Variants in IGSF10 observed in about 807,000 individuals in gnomAD.
IGSF10 encodes calvaria mechanical force protein 608.
In IGSF10, 126 loss-of-function variants were observed where a neutral mutation model predicts 128.2. The observed-to-expected ratio is 0.98, with a 90% confidence interval of 0.85 to 1.14. The LOEUF (loss-of-function observed/expected upper bound fraction) is 1.14, where lower values mean the gene tolerates loss of function less well. Ranked by LOEUF, IGSF10 falls within the 50% of genes most tolerant of loss-of-function variation. The pLI is 0.00. For missense variants in IGSF10, 3,295 were observed against 3,149.8 expected (o/e 1.05, Z -1.10); for synonymous variants, 1,185 against 1,146.2 (o/e 1.03, Z -0.68).
At chr3:151,432,951 AAAAG>A, downstream of IGSF10, 3 of 628,834 alleles carry the variant, frequency 4.8e-6, no homozygotes, top group South Asian at 5.0e-5. Context: ...CAAAAAAAAA[AAAAG>A]GTGTTTAAAC....
the IGSF10 span, among the ~76,000 whole-genome samples, chr3:151,607,322 T>G: frequency 6.6e-6 from 1 of 152,154 alleles, no homozygotes; most frequent in Non-Finnish European, 1.5e-5. Flanking sequence ...AATTCCAAAT[T>G]TATTCTTTGC....
At chr3:151,520,068 T>C in the IGSF10 span, among the ~76,000 whole-genome samples, 1 of 151,732 alleles carries the variant, frequency 6.6e-6, no homozygotes, top group Admixed American at 6.6e-5. Flanking sequence ...TTTTCCTGTA[T>C]CCTCTCAGTG....
chr3:151,514,597 A>G, the IGSF10 span, among the ~76,000 whole-genome samples: 4 of 152,238 alleles, frequency 2.6e-5, no homozygotes, highest in African/African-American at 9.6e-5. Flanking sequence ...CAATGGCAAC[A>G]AAAGCCAAAA....
chr3:151,438,816 ATT>A (rs1720645612), intron 7 of IGSF10, among the ~76,000 whole-genome samples: 6 of 138,512 alleles, frequency 4.3e-5, no homozygotes, highest in Non-Finnish European at 3.0e-5. Context: ...ATATATATAC[ATT>A]TTGAGATATA....
chr3:151,479,211 G>A, the IGSF10 span, among the ~76,000 whole-genome samples: 5 of 152,016 alleles, frequency 3.3e-5, no homozygotes, highest in African/African-American at 1.2e-4. Context: ...CACAATACTA[G>A]ATGGAAAGTA....
chr3:151,588,742 C>T, the IGSF10 span, among the ~76,000 whole-genome samples: 5 of 152,172 alleles, frequency 3.3e-5, no homozygotes, highest in African/African-American at 1.2e-4. Flanking sequence ...ATGGGGCTTA[C>T]ATCCTAGTGA....
At chr3:151,594,890 G>T in the IGSF10 span, among the ~76,000 whole-genome samples, 1 of 151,360 alleles carries the variant, frequency 6.6e-6, no homozygotes, top group African/African-American at 2.4e-5. Context: ...ACCCCCAAAA[G>T]ATGTACAATT....
the IGSF10 span, among the ~76,000 whole-genome samples, chr3:151,542,076 GC>G: frequency 6.6e-6 from 1 of 152,002 alleles, no homozygotes; most frequent in Non-Finnish European, 1.5e-5. Flanking sequence ...TTATTCAGTG[GC>G]TTTTACAGCA....
chr3:151,526,045 T>C, the IGSF10 span, among the ~76,000 whole-genome samples: 1 of 152,206 alleles, frequency 6.6e-6, no homozygotes, highest in Non-Finnish European at 1.5e-5. Flanking sequence ...TTCTTGTTGC[T>C]CCAAGGCCCC....
chr3:151,541,468 A>G, the IGSF10 span, among the ~76,000 whole-genome samples: 1 of 152,308 alleles, frequency 6.6e-6, no homozygotes, highest in East Asian at 1.9e-4. Context: ...CAGTTTTCTT[A>G]TAGTCATATA....
At chr3:151,456,860 C>T (rs1721820415) in intron 4 of IGSF10, among the ~76,000 whole-genome samples, 166 bp downstream of exon 4, 1 of 152,146 alleles carries the variant, frequency 6.6e-6, no homozygotes, top group Admixed American at 6.5e-5. Flanking sequence ...CTAATTTATA[C>T]ACACAGTTCC....
At chr3:151,559,190 GC>G in the IGSF10 span, among the ~76,000 whole-genome samples, 1 of 152,072 alleles carries the variant, frequency 6.6e-6, no homozygotes, top group South Asian at 2.1e-4. Context: ...AAACAATGAA[GC>G]CTCTCAACAG....
intron 1 of IGSF10, among the ~76,000 whole-genome samples, chr3:151,460,551 T>C (rs149017723): frequency 6.6e-6 from 1 of 152,236 alleles, no homozygotes; most frequent in Middle Eastern, 3.2e-3. Context: ...TGGAGGTTTT[T>C]AAATTTCCTT....
the IGSF10 span, among the ~76,000 whole-genome samples, chr3:151,581,775 A>C: frequency 1.3e-5 from 2 of 152,220 alleles, no homozygotes; most frequent in South Asian, 2.1e-4. Context: ...CATTTGTAGA[A>C]TATAGCCATT....
At chr3:151,440,987 CAT>C (rs1560173094) in intron 7 of IGSF10, among the ~76,000 whole-genome samples, 1 of 152,212 alleles carries the variant, frequency 6.6e-6, no homozygotes, top group African/African-American at 2.4e-5. Flanking sequence ...TCCCAGCTAA[CAT>C]AAATAATTAA....
At position 151,436,930 on chromosome 3, in the gene IGSF10, G is replaced by T; in HGVS notation, c.7631C>A (p.Ala2544Glu). 6.2e-7 allele frequency: 1 copy of T among 1,614,154 alleles called. No homozygotes were observed. The highest frequency in any genetic ancestry group is 8.5e-7 in the Non-Finnish European group (1 of 1,179,996). ...PPRSIVTRTG[A>E]AFQLHCVALG... ...GGCCACACAGTGGAGCTGAAAGGCT[G>T]CCCCTGTCCTGGTGACAATACTCCT... The change falls in exon 8 of 8, where the codon GCA becomes GAA. Residue 2544 changes from alanine (A) to glutamate (E), a missense_variant. Ala to Glu is a moderately radical substitution (Grantham distance 107). Coordinates refer to ENST00000282466, the MANE Select transcript of IGSF10 (RefSeq NM_178822.5).
In IGSF10 at chr3:151,445,133, T is replaced by C; in HGVS notation, c.4848A>G (p.Thr1616=). The stretch of plus-strand genomic sequence containing the variant: ...GTTTCTTATCAAAGTCACTCTTCTT[T>C]GTGTTCTTCTGTCCATCCCAATCTG... ...LVSDWDGQKN[T]KKSDFDKKPV... The change falls in exon 6 of 8, where the codon ACA becomes ACG. Residue 1616 remains threonine (T), a synonymous_variant. Coordinates refer to ENST00000282466, the MANE Select transcript of IGSF10 (RefSeq NM_178822.5). 3 of 1,614,172 alleles carry C rather than the reference T, an allele frequency of 1.9e-6. No homozygotes were observed. The highest frequency in any genetic ancestry group is 2.2e-5 in the South Asian group (2 of 91,080).
At chr3:151,537,556 G>C in the IGSF10 span, among the ~76,000 whole-genome samples, 3 of 152,082 alleles carry the variant, frequency 2.0e-5, no homozygotes, top group African/African-American at 7.2e-5. Context: ...TGAAGCACTT[G>C]ACTAATTAAC....
At position 151,436,476 on chromosome 3, in the gene IGSF10, C is replaced by A; in HGVS notation, c.*213G>T. 1 of 423,526 alleles carries A rather than the reference C, an allele frequency of 2.4e-6. No individual in the cohort carries two copies. Among genetic ancestry groups the A allele is most frequent in the South Asian group, 4.9e-5 (1 of 20,236 alleles). The allele number at this position is 423,526 out of a possible 1,614,324, so 26.2% of individuals were successfully genotyped here. A position where few individuals can be genotyped will look rare whatever the true frequency, so the allele number is the denominator to read the frequency against. On this transcript the variant is annotated 3_prime_UTR_variant, in exon 8 of 8. Coordinates refer to ENST00000282466, the MANE Select transcript of IGSF10 (RefSeq NM_178822.5). ...TTATTTGTTGGCAAAATAAAAGTGC[C>A]TTAAGTTAAAAGTTTGTTTTGAGAT...
Sources: allele counts gnomAD v4.1 joint callset (sites outside exome capture counted in the v4.1 genomes callset), GRCh38; gene constraint gnomAD v4.1.1; transcripts MANE v1.5; gene names NCBI Gene and HGNC (gene_info 2026-07-23, HGNC 2026-07-21).